The following VSTM2L variants were observed in gnomAD, a reference collection of about 807,000 sequenced individuals.
VSTM2L encodes the protein V-set and transmembrane domain containing 2 like.
A neutral mutation model predicts 19.9 loss-of-function variants in VSTM2L; 9 were observed. The ratio of observed to expected loss-of-function variants is 0.45; its 90% CI spans 0.27 to 0.79. The LOEUF is 0.79. Ranked by LOEUF, VSTM2L falls within the 30% of genes least tolerant of loss-of-function variation. VSTM2L has a pLI of 0.15. For synonymous variants in VSTM2L, 127 were observed against 133.8 expected, an observed-to-expected ratio of 0.95 and a Z score of 0.35; for missense variants, 286 against 295.5, an observed-to-expected ratio of 0.97 and a Z score of 0.24.
chr20:37,943,359 T>C (rs1196745600), intron 3 of VSTM2L, among the ~76,000 whole-genome samples: 1 of 151,514 alleles, frequency 6.6e-6, no homozygotes, highest in East Asian at 1.9e-4. Context: ...ACTGCAAGCC[T>C]CAAACTCCTG....
intron 1 of VSTM2L, among the ~76,000 whole-genome samples, chr20:37,921,512 T>C (rs1011949283): frequency 6.6e-6 from 1 of 152,198 alleles, no homozygotes; most frequent in African/African-American, 2.4e-5. Context: ...ACTATGTGCA[T>C]GGTGTTGCTC....
intron 1 of VSTM2L, among the ~76,000 whole-genome samples, chr20:37,921,838 CTTTTTTTTTT>C (rs756122087): frequency 2.2e-5 from 2 of 91,784 alleles, no homozygotes; most frequent in Non-Finnish European, 4.1e-5. Flanking sequence ...CTTTCTTTTC[CTTTTTTTTTT>C]TTTTTTTTTT....
At chr20:37,903,638 G>A (rs1164201594) in intron 1 of VSTM2L, among the ~76,000 whole-genome samples, 167 bp downstream of exon 1, 1 of 152,098 alleles carries the variant, frequency 6.6e-6, no homozygotes, top group Non-Finnish European at 1.5e-5. Flanking sequence ...GCCCTGCAGA[G>A]AAGGGGGCAC....
chr20:37,925,119 G>T (rs753617180), intron 1 of VSTM2L, among the ~76,000 whole-genome samples: 49 of 151,950 alleles, frequency 3.2e-4, no homozygotes, highest in Non-Finnish European at 5.4e-4. Flanking sequence ...GAAAGGAAAT[G>T]GATTTTTTTT....
At chr20:37,938,124 G>C (rs190850414) in intron 3 of VSTM2L, among the ~76,000 whole-genome samples, 42 of 151,584 alleles carry the variant, frequency 2.8e-4, no homozygotes, top group African/African-American at 9.9e-4. Flanking sequence ...GATGGCCTGG[G>C]TGGGAGAAGC....
At position 37,904,768 on chromosome 20, in the gene VSTM2L, G is replaced by A. The variant is rs563199642; in HGVS notation, c.121+1297G>A. Among the ~76,000 whole-genome samples the A allele has an allele frequency of 2.7e-4, 41 of 152,222 alleles. No homozygotes were observed. In the South Asian group the frequency reaches 3.1e-3, roughly 12 times the overall value. ...AGATAATCAGGGAAGGTTTTGCTGG[G>A]GTATGACACATGAGTGGGATTGCTC... On this transcript the variant is annotated intron_variant, in intron 1 of 3. Transcript: ENST00000373461.
Position 37,903,251 on chromosome 20 carries a change from G to T in VSTM2L, c.-100G>T. The T allele has an allele frequency of 8.1e-7, 1 of 1,233,404 alleles. No homozygotes were observed. Among genetic ancestry groups the T allele is most frequent in the Non-Finnish European group, 1.0e-6 (1 of 984,618 alleles). The allele number at this position is 1,233,404 out of a possible 1,614,324, so 76.4% of individuals were successfully genotyped here. ...CGGGCGAGGGGCAGCTGCCGGAGCC[G>T]GGCAGCCAGGCCGCTCAGGGCAGGG... On this transcript the variant is annotated 5_prime_UTR_variant, in exon 1 of 4. Transcript: ENST00000373461.
chr20:37,923,246 TGGGAGGTTA>T (rs1176606940), intron 1 of VSTM2L, among the ~76,000 whole-genome samples: 1 of 152,130 alleles, frequency 6.6e-6, no homozygotes, highest in Non-Finnish European at 1.5e-5. Flanking sequence ...AACCAGGGTC[TGGGAGGTTA>T]GGGAGGTCAG....
chr20:37,944,159 C>G lies in VSTM2L; in HGVS notation c.521C>G (p.Pro174Arg). 1 of 1,582,934 alleles carries G rather than the reference C, an allele frequency of 6.3e-7. No individual in the cohort carries two copies. The highest frequency in any genetic ancestry group is 2.3e-5 in the East Asian group (1 of 43,150). The change falls in exon 4 of 4, where the codon CCC (proline) becomes CGC (arginine). Residue 174 changes from proline (P) to arginine (R), a missense_variant. Transcript: ENST00000373461. ...GGGGAGAACTCCGTCCTGCATCTGC[C>G]CGAAGCCCCTCCCGCCGCGCCCGCC... ...QPGENSVLHL[P>R]EAPPAAPAPP... is the part of the protein sequence containing the mutation.
chr20:37,929,460 C>A (rs146329215), intron 1 of VSTM2L, among the ~76,000 whole-genome samples: 1 of 152,264 alleles, frequency 6.6e-6, no homozygotes, highest in Non-Finnish European at 1.5e-5. Flanking sequence ...TTTAGCTGGG[C>A]ATGGTGGCTC....
chr20:37,943,589 C>T (rs2072986548), intron 3 of VSTM2L, among the ~76,000 whole-genome samples: 1 of 152,064 alleles, frequency 6.6e-6, no homozygotes, highest in South Asian at 2.1e-4. Flanking sequence ...TTTAAACTTC[C>T]ACACCCGGAA....
chr20:37,942,946 TTTA>T (rs919313983), intron 3 of VSTM2L, among the ~76,000 whole-genome samples: 1 of 152,228 alleles, frequency 6.6e-6, no homozygotes, highest in Non-Finnish European at 1.5e-5. Context: ...TGTTTTGTTT[TTTA>T]TTATGTTATT....
At chr20:37,910,995 G>A (rs907219196) in intron 1 of VSTM2L, among the ~76,000 whole-genome samples, 10 of 151,574 alleles carry the variant, frequency 6.6e-5, no homozygotes, top group African/African-American at 1.5e-4. Context: ...AGCTGGGGCC[G>A]GGCGCAGTGG....
At chr20:37,924,382 A>G (rs1226867598) in intron 1 of VSTM2L, among the ~76,000 whole-genome samples, 4 of 151,966 alleles carry the variant, frequency 2.6e-5, no homozygotes, top group Admixed American at 6.6e-5. Flanking sequence ...GTGAAACTCC[A>G]TCTCTACTAA....
intron 1 of VSTM2L, among the ~76,000 whole-genome samples, chr20:37,928,431 G>A (rs908614241): frequency 6.6e-6 from 1 of 152,204 alleles, no homozygotes; most frequent in Non-Finnish European, 1.5e-5. Context: ...CCACTGCCCA[G>A]CCAAGGTGTT....
At chr20:37,939,672 T>A (rs1442475215) in intron 3 of VSTM2L, among the ~76,000 whole-genome samples, 1 of 152,014 alleles carries the variant, frequency 6.6e-6, no homozygotes, top group Non-Finnish European at 1.5e-5. Context: ...ACTCGCTGAG[T>A]TGCTTGATTA....
intron 3 of VSTM2L, among the ~76,000 whole-genome samples, chr20:37,943,413 C>CT (rs1357893851): frequency 6.7e-6 from 1 of 148,686 alleles, no homozygotes; most frequent in Non-Finnish European, 1.5e-5. Context: ...GTAGCTGGGA[C>CT]TGCAGGCGCC....
chr20:37,936,552 G>A (rs934876940), intron 3 of VSTM2L, among the ~76,000 whole-genome samples: 13 of 152,184 alleles, frequency 8.5e-5, no homozygotes, highest in Non-Finnish European at 1.9e-4. Flanking sequence ...AGAAAGTGCT[G>A]TCAGCTTCCA....
intron 1 of VSTM2L, among the ~76,000 whole-genome samples, chr20:37,915,363 T>G (rs1051692470): frequency 6.6e-5 from 10 of 152,144 alleles, no homozygotes; most frequent in African/African-American, 2.2e-4. Context: ...GCCAAGGTCC[T>G]GGGGTGGGGC....
Sources: gnomAD v4.1 joint callset for allele counts (sites outside exome capture counted in the v4.1 genomes callset) on GRCh38, gnomAD v4.1.1 for gene constraint, MANE v1.5 for transcripts, NCBI Gene and HGNC (gene_info 2026-07-23, HGNC 2026-07-21) for gene names.